The following RICTOR variants were observed in gnomAD, a reference collection of about 807,000 sequenced individuals.
The protein encoded by RICTOR is rapamycin-insensitive companion of mTOR.
In RICTOR, 49 loss-of-function variants were observed where a neutral mutation model predicts 214.9. The ratio of observed to expected loss-of-function variants is 0.23; its 90% CI spans 0.18 to 0.29. The LOEUF is 0.29. Ranked by LOEUF, RICTOR falls within the 10% of genes least tolerant of loss-of-function variation. The pLI is 1.00. For synonymous variants in RICTOR, 717 were observed against 711.3 expected, an observed-to-expected ratio of 1.01 and a Z score of -0.13; for missense variants, 1,625 against 2,047.0, an observed-to-expected ratio of 0.79 and a Z score of 3.98.
In RICTOR at chr5:38,996,838, G is replaced by A. The variant is rs1753214981; in HGVS notation, c.437C>T (p.Ala146Val). The change falls in exon 6 of 38, where the codon GCA (alanine) becomes GTA (valine). Residue 146 changes from alanine (A) to valine (V), a missense_variant. Physicochemically the swap from Ala to Val is moderately conservative, Grantham distance 64. Transcript: ENST00000357387. ...QQSNEVERTQ[A>V]LRLVRKMITV... is the part of the protein sequence containing the mutation. ...GCATACCTTTCTGACTAATCGAAGT[G>A]CTTGTGTCCTCTCTACCTCGTTGCT... 1 of 1,610,004 alleles carries A rather than the reference G, an allele frequency of 6.2e-7. No individual in the cohort carries two copies. The highest frequency in any genetic ancestry group is 8.5e-7 in the Non-Finnish European group (1 of 1,176,666).
intron 2 of RICTOR, among the ~76,000 whole-genome samples, chr5:39,047,470 G>A (rs1431264466): frequency 6.6e-6 from 1 of 152,164 alleles, no homozygotes; most frequent in African/African-American, 2.4e-5. Context: ...GTTCCTAACA[G>A]GCCACGGACT....
chr5:39,059,215 C>CT (rs1238354812), intron 2 of RICTOR, among the ~76,000 whole-genome samples: 2 of 152,084 alleles, frequency 1.3e-5, no homozygotes, highest in Non-Finnish European at 2.9e-5. Context: ...AGCATACACT[C>CT]TTGTTTATCA....
intron 2 of RICTOR, among the ~76,000 whole-genome samples, chr5:39,069,337 T>C (rs943093156): frequency 1.4e-4 from 22 of 152,194 alleles, no homozygotes; most frequent in African/African-American, 4.6e-4. Context: ...ACATAGTACC[T>C]GGTCCATGTG....
chr5:39,065,856 T>G (rs1279347845), intron 2 of RICTOR, among the ~76,000 whole-genome samples: 3 of 152,258 alleles, frequency 2.0e-5, no homozygotes, highest in Non-Finnish European at 4.4e-5. Flanking sequence ...CTCTGCCCTG[T>G]GGCTTTGCAG....
intron 25 of RICTOR, among the ~76,000 whole-genome samples, chr5:38,956,790 ATCT>A (rs751032493): frequency 2.0e-5 from 3 of 152,182 alleles, no homozygotes; most frequent in African/African-American, 4.8e-5. Context: ...TGATTTAAAT[ATCT>A]TCTAGGAAAC....
At chr5:38,989,892 A>G (rs190055497) in intron 7 of RICTOR, among the ~76,000 whole-genome samples, 1 of 152,318 alleles carries the variant, frequency 6.6e-6, no homozygotes, top group Admixed American at 6.5e-5. Flanking sequence ...ACGCTTTCAC[A>G]CTGTTGGTGG....
rs566494885 is a variant in RICTOR, at chr5:39,003,987, C to T, written c.196-365G>A. Among the ~76,000 whole-genome samples the T allele has an allele frequency of 2.0e-5, 3 of 152,264 alleles. No homozygotes were observed. The East Asian group carries it at 5.8e-4, about 29-fold the overall frequency. Reference sequence around the variant, plus strand: ...GTATCACTTCACAATGTCCTCAATGCCAGAATCTCACACTTTAATTTCACT... The same window carrying T: ...GTATCACTTCACAATGTCCTCAATGTCAGAATCTCACACTTTAATTTCACT... On this transcript the variant is annotated intron_variant, in intron 3 of 37. Transcript: ENST00000357387.
chr5:39,024,460 T>C (rs759749974), intron 2 of RICTOR, among the ~76,000 whole-genome samples: 40 of 152,174 alleles, frequency 2.6e-4, no homozygotes, highest in Admixed American at 1.0e-3. Context: ...GAAAAGACTA[T>C]AGGAGAATAA....
At chr5:39,066,349 G>A (rs761510481) in intron 2 of RICTOR, among the ~76,000 whole-genome samples, 12 of 152,212 alleles carry the variant, frequency 7.9e-5, no homozygotes, top group Non-Finnish European at 1.5e-4. Context: ...AGCAAGGCCC[G>A]GCTAGCCCAG....
intron 15 of RICTOR, among the ~76,000 whole-genome samples, 185 bp from the exon 16 acceptor site, chr5:38,965,077 C>T (rs41271105): frequency 1.3e-5 from 2 of 151,840 alleles, no homozygotes; most frequent in African/African-American, 4.8e-5. Flanking sequence ...ATACTTTCAA[C>T]AAGGATGGAA....
In RICTOR at chr5:38,942,219, A is replaced by C; in HGVS notation, c.*85T>G. 2.7e-6 allele frequency: 2 copies of C among 752,820 alleles called. No homozygotes were observed. The highest frequency in any genetic ancestry group is 2.2e-5 in the South Asian group (1 of 45,556). The allele number at this position is 752,820 out of a possible 1,614,324, so 46.6% of individuals were successfully genotyped here. On this transcript the variant is annotated 3_prime_UTR_variant, in exon 38 of 38. Coordinates refer to ENST00000357387, the MANE Select transcript of RICTOR (RefSeq NM_152756.5). ...GAAGATACTCCTGTCTTTGCTGCCT[A>C]GTCAGTCGTATTTTCTGAGGCTTTT...
intron 37 of RICTOR, 61 bp downstream of exon 37, chr5:38,942,772 T>A: frequency 7.3e-7 from 1 of 1,361,842 alleles, no homozygotes; most frequent in Non-Finnish European, 1.0e-6. Flanking sequence ...TGTATTTTAA[T>A]TCAATTCAAA....
intron 9 of RICTOR, among the ~76,000 whole-genome samples, chr5:38,978,352 G>A (rs1751409985): frequency 6.6e-6 from 1 of 151,958 alleles, no homozygotes; most frequent in Non-Finnish European, 1.5e-5. Flanking sequence ...CTTGGTTTCT[G>A]TCACAGTCTA....
At chr5:38,976,667 T>C (rs1412624191) in intron 9 of RICTOR, among the ~76,000 whole-genome samples, 1 of 152,184 alleles carries the variant, frequency 6.6e-6, no homozygotes, top group African/African-American at 2.4e-5. Context: ...ATTAAACTTG[T>C]AATATTTTAA....
rs765820344 is a variant in RICTOR at position 38,958,539 on chromosome 5, T to C, written c.2344-20A>G. 1.8e-5 allele frequency: 28 copies of C among 1,590,178 alleles called. No individual in the cohort carries two copies. Among genetic ancestry groups the C allele is most frequent in the Middle Eastern group, 1.7e-4 (1 of 5,948 alleles). ...ATTGGCCTAAAAGAGATTATCATTA[T>C]TTTTTTATAATTGCACAAAAATAGC... On this transcript the variant is annotated intron_variant, in intron 23 of 37. Transcript: ENST00000357387.
At chr5:39,051,382 T>C (rs890871175) in intron 2 of RICTOR, among the ~76,000 whole-genome samples, 1 of 152,158 alleles carries the variant, frequency 6.6e-6, no homozygotes, top group African/African-American at 2.4e-5. Context: ...TTATCCCTTT[T>C]CACAAATAAA....
chr5:38,962,432 T>C, intron 18 of RICTOR, 53 bp downstream of exon 18: 1 of 1,174,904 alleles, frequency 8.5e-7, no homozygotes, highest in Non-Finnish European at 1.2e-6. Flanking sequence ...AATTACGTTA[T>C]AATTAATAAT....
intron 3 of RICTOR, among the ~76,000 whole-genome samples, chr5:39,017,955 A>G (rs1022302090): frequency 5.9e-5 from 9 of 152,168 alleles, no homozygotes; most frequent in African/African-American, 2.2e-4. Flanking sequence ...GGCGATACCA[A>G]TACTGATGAA....
rs755596387 is a variant in RICTOR, at chr5:39,074,116, G to C, written c.92C>G (p.Thr31Ser). Residue 31 changes from threonine (T) to serine (S), a missense_variant, in exon 2 of 38, where the codon ACC becomes AGC. This residue lies in a region of RICTOR where 71 missense variants were observed against 57.9 expected (regional missense o/e 1.23). Transcript: ENST00000357387. ...CCCGCGGCGCCCCGCGTTACCTCGG[G>C]TCAGATCCAGCGGGACGTTCTCCTC... ...SGEENVPLDL[T>S]REPSDNLREI... is the part of the protein sequence containing the mutation. 6.3e-7 allele frequency: 1 copy of C among 1,579,224 alleles called. No individual in the cohort carries two copies. The highest frequency in any genetic ancestry group is 8.6e-7 in the Non-Finnish European group (1 of 1,165,360).
Sources: gnomAD v4.1 joint callset for allele counts (sites outside exome capture counted in the v4.1 genomes callset) on GRCh38, gnomAD v4.1.1 for gene constraint, gnomAD v4.1.1 regional missense constraint, MANE v1.5 for transcripts, NCBI Gene and HGNC (gene_info 2026-07-23, HGNC 2026-07-21) for gene names.